The following NSD3 variants were observed in gnomAD, a reference collection of about 807,000 sequenced individuals.
NSD3 encodes histone-lysine N-methyltransferase NSD3.
Under a neutral mutation model 160.8 loss-of-function variants are expected in NSD3, and 24 were observed. The observed-to-expected ratio is 0.15, with a 90% CI of 0.11 to 0.21. NSD3 has a LOEUF of 0.21. Among genes scored for constraint, NSD3 ranks in the 10% least tolerant of loss-of-function variants. NSD3 has a pLI of 1.00. For synonymous variants in NSD3, 520 were observed against 600.0 expected, an observed-to-expected ratio of 0.87 and a Z score of 1.95; for missense variants, 1,157 against 1,735.9, an observed-to-expected ratio of 0.67 and a Z score of 5.93.
chr8:38,315,751 T>C (rs1032016386), intron 10 of NSD3, among the ~76,000 whole-genome samples, 161 bp downstream of exon 10: 3 of 152,230 alleles, frequency 2.0e-5, no homozygotes, highest in Non-Finnish European at 4.4e-5. Context: ...AACTATAGTT[T>C]TGTTATATAA....
rs1264634489 is a variant in NSD3, at chr8:38,302,189, A to AT, written c.2611+2397dup. On this transcript the variant is annotated intron_variant, in intron 14 of 23. Coordinates refer to ENST00000317025, the MANE Select transcript of NSD3 (RefSeq NM_023034.2). Reference sequence around the variant, plus strand: ...ATCTATGTGGAGGGAAAAATTCTGTATAAGGCAAGAAACAAGCAAAACAAG... The same window carrying AT: ...ATCTATGTGGAGGGAAAAATTCTGTATTAAGGCAAGAAACAAGCAAAACAAG... Among the ~76,000 whole-genome samples the AT allele has an allele frequency of 3.3e-5, 5 of 152,250 alleles. No individual in the cohort carries two copies. In the East Asian group the frequency reaches 7.7e-4, roughly 23 times the overall value.
Position 38,304,584 on chromosome 8 carries a change from C to T in NSD3, c.2611+3G>A. The T allele has an allele frequency of 6.2e-7, 1 of 1,603,558 alleles. No homozygotes were observed. Among genetic ancestry groups the T allele is most frequent in the Non-Finnish European group, 8.5e-7 (1 of 1,176,404 alleles). On this transcript the variant is annotated splice_donor_region_variant and intron_variant, in intron 14 of 23. Coordinates refer to ENST00000317025, the MANE Select transcript of NSD3 (RefSeq NM_023034.2). ...TAAATGAAGAGAAAAGTCAGACACT[C>T]ACCTCTGGCACAAACGAAACAAAAG...
rs1377589282 is a variant in NSD3, at chr8:38,271,067, CAAAAT to C, written c.*4569_*4573del. On this transcript the variant is annotated 3_prime_UTR_variant, in exon 24 of 24. Coordinates refer to ENST00000317025, the MANE Select transcript of NSD3 (RefSeq NM_023034.2). ...CTTGGGGAGAGGGTTGACAAAATGACAAAATAAAGAATGTACATAAAAAGTATTTG... is the reference window on the plus strand; with the variant it reads ...CTTGGGGAGAGGGTTGACAAAATGACAAAGAATGTACATAAAAAGTATTTG... The C allele has an allele frequency of 6.6e-6, 1 of 152,016 alleles. No individual in the cohort carries two copies. Among genetic ancestry groups the C allele is most frequent in the Admixed American group, 6.6e-5 (1 of 15,262 alleles). 9.4% of individuals were successfully genotyped at this position (152,016 alleles called of 1,614,324 possible).
chr8:38,289,701 C>T (rs1265750237), intron 17 of NSD3, among the ~76,000 whole-genome samples, 196 bp from the exon 18 acceptor site: 1 of 152,230 alleles, frequency 6.6e-6, no homozygotes, highest in Non-Finnish European at 1.5e-5. Context: ...GAACACTATG[C>T]TCTGTGCATG....
Position 38,354,003 on chromosome 8 carries a change from C to T in NSD3, c.-44-5788G>A, listed in dbSNP as rs188301050. Among the ~76,000 whole-genome samples, 244 of 152,332 alleles carry T rather than the reference C, an allele frequency of 1.6e-3. 2 individuals are homozygous for T. The highest frequency in any genetic ancestry group is 5.5e-3 in the African/African-American group (229 of 41,560). ...AAGGTCATTAGTCCAAAACTGAATGCACTGTCCTTTTCCTAGTGCAATGTC... is the reference window on the plus strand; with the variant it reads ...AAGGTCATTAGTCCAAAACTGAATGTACTGTCCTTTTCCTAGTGCAATGTC... On this transcript the variant is annotated intron_variant, in intron 1 of 23. Transcript: ENST00000317025.
intron 1 of NSD3, among the ~76,000 whole-genome samples, chr8:38,379,746 A>G (rs1158300476): frequency 6.6e-6 from 1 of 152,228 alleles, no homozygotes; most frequent in Non-Finnish European, 1.5e-5. Flanking sequence ...CCATATTACA[A>G]TGTTAACAGG....
chr8:38,306,055 C>T (rs1341689351), intron 12 of NSD3, among the ~76,000 whole-genome samples: 3 of 151,978 alleles, frequency 2.0e-5, no homozygotes, highest in Non-Finnish European at 4.4e-5. Context: ...GAATTCTATA[C>T]CCAGTGAAAA....
At chr8:38,333,384 A>G (rs1004137286) in intron 4 of NSD3, among the ~76,000 whole-genome samples, 6 of 152,246 alleles carry the variant, frequency 3.9e-5, no homozygotes, top group African/African-American at 1.4e-4. Context: ...ACAGACCTGA[A>G]AAGTCAAGAA....
intron 16 of NSD3, among the ~76,000 whole-genome samples, chr8:38,291,347 C>A (rs1312621432): frequency 6.6e-6 from 1 of 152,146 alleles, no homozygotes. Context: ...CAGTTTCTAG[C>A]AAGCAGACAA....
intron 2 of NSD3, among the ~76,000 whole-genome samples, chr8:38,343,083 C>T (rs1442557901): frequency 6.6e-6 from 1 of 151,662 alleles, no homozygotes; most frequent in Admixed American, 6.6e-5. Flanking sequence ...GTAATTCCAG[C>T]TACCTGGGGG....
rs1485074924 is a variant in NSD3, at chr8:38,288,924, T to C, written c.3232-168A>G. On this transcript the variant is annotated intron_variant, in intron 18 of 23. Coordinates refer to ENST00000317025, the MANE Select transcript of NSD3 (RefSeq NM_023034.2). The surrounding 1 kb of genome is among the most constrained non-coding windows in gnomAD (Gnocchi z 4.5). The stretch of plus-strand genomic sequence containing the variant: ...AATAACCATCTCTTTTGTCATTTAG[T>C]TGACAAAAATATCAAAGCCTCATGT... 6.6e-6 allele frequency among the ~76,000 whole-genome samples: 1 copy of C among 152,210 alleles called. No individual in the cohort carries two copies. The highest frequency in any genetic ancestry group is 2.1e-4 in the South Asian group (1 of 4,830).
At chr8:38,327,998 T>TC (rs769486393) in intron 6 of NSD3, among the ~76,000 whole-genome samples, 1 of 152,042 alleles carries the variant, frequency 6.6e-6, no homozygotes, top group Non-Finnish European at 1.5e-5. Context: ...GGCCAGGAGT[T>TC]CAAGACCAGC....
intron 15 of NSD3, among the ~76,000 whole-genome samples, chr8:38,297,733 A>G (rs1235826455): frequency 1.3e-5 from 2 of 152,168 alleles, no homozygotes; most frequent in African/African-American, 4.8e-5. Flanking sequence ...AATTGATTCA[A>G]TTTACCAACC....
At position 38,326,811 on chromosome 8, in the gene NSD3, G is replaced by A; in HGVS notation, c.1627C>T (p.Leu543Phe). ...CTCTGGTTTGGTGTAGAAATTATAA[G>A]CCTGTCTTGCCCCCTGACACTTATT... is the stretch of plus-strand genomic sequence containing the variant. ...TEISVRGQDR[L>F]IISTPNQRNE... Residue 543 changes from leucine to phenylalanine, a missense_variant, in exon 7 of 24, where the codon CTT becomes TTT. Transcript: ENST00000317025. 1.2e-6 allele frequency: 2 copies of A among 1,614,002 alleles called. No homozygotes were observed. The highest frequency in any genetic ancestry group is 1.1e-5 in the South Asian group (1 of 91,068).
intron 7 of NSD3, among the ~76,000 whole-genome samples, chr8:38,325,005 A>G (rs1809872965): frequency 1.3e-5 from 2 of 152,194 alleles, no homozygotes; most frequent in Admixed American, 6.5e-5. Flanking sequence ...ATCTTTTGCC[A>G]TATGCTTTAT....
intron 15 of NSD3, among the ~76,000 whole-genome samples, chr8:38,298,887 T>TTC (rs1809217294): frequency 6.6e-6 from 1 of 152,194 alleles, no homozygotes; most frequent in African/African-American, 2.4e-5. Context: ...ATTAGGGGTA[T>TTC]TCTCCCCAAC....
In NSD3 at chr8:38,275,660, C is replaced by G. The variant is rs1164656144; in HGVS notation, c.4295G>C (p.Gly1432Ala). 1 of 1,614,050 alleles carries G rather than the reference C, an allele frequency of 6.2e-7. No individual in the cohort carries two copies. Among genetic ancestry groups the G allele is most frequent in the Admixed American group, 1.7e-5 (1 of 60,012 alleles). ...ACACATTTATTCTTTTACTTCTTCT[C>G]CATGATCTTGTGATTCCCATTTACA... ...IKCKWESQDHGEEVKE is the reference protein window; with the variant it reads ...IKCKWESQDHAEEVKE Residue 1432 changes from glycine (G) to alanine (A), a missense_variant, in exon 24 of 24, where the codon GGA becomes GCA. This residue lies in a region of NSD3 where 222 missense variants were observed against 409.9 expected (regional missense o/e 0.54). Transcript: ENST00000317025.
At chr8:38,305,499 AG>A in intron 12 of NSD3, 54 bp from the exon 13 acceptor site, 1 of 1,576,756 alleles carries the variant, frequency 6.3e-7, no homozygotes, top group Non-Finnish European at 8.7e-7. Context: ...AGCATATTCA[AG>A]TAGAAGCAGC....
At position 38,317,748 on chromosome 8, in the gene NSD3, T is replaced by C; in HGVS notation, c.1855+1147A>G. ...GGACCCATGATTTAAGCTGTACCCA[T>C]CCAGCTCAAACCGAAAAAAAAAAAT... On this transcript the variant is annotated intron_variant, in intron 9 of 23. Coordinates refer to ENST00000317025, the MANE Select transcript of NSD3 (RefSeq NM_023034.2). This position sits in a 1 kb window ranked among gnomAD's most constrained non-coding sequence, Gnocchi z 5.3. 1 of 1,393,570 alleles carries C rather than the reference T, an allele frequency of 7.2e-7. No individual in the cohort carries two copies. The highest frequency in any genetic ancestry group is 9.3e-7 in the Non-Finnish European group (1 of 1,075,700). The allele number at this position is 1,393,570 out of a possible 1,614,324, so 86.3% of individuals were successfully genotyped here. A position where few individuals can be genotyped will look rare whatever the true frequency, so the allele number is the denominator to read the frequency against.
Sources: allele counts gnomAD v4.1 joint callset (sites outside exome capture counted in the v4.1 genomes callset), GRCh38; gene constraint gnomAD v4.1.1; regional missense constraint gnomAD v4.1.1; non-coding constraint Gnocchi (gnomAD v3.1); transcripts MANE v1.5; gene names NCBI Gene and HGNC (gene_info 2026-07-23, HGNC 2026-07-21).